Variants in PLTP observed in about 807,000 individuals in gnomAD.
PLTP encodes phospholipid transfer protein, also known as BPI fold containing family E.
In PLTP, 43 loss-of-function variants were observed where a neutral mutation model predicts 54.1. That is an observed-to-expected ratio of 0.79 (90% confidence interval 0.62 to 1.02). The LOEUF (loss-of-function observed/expected upper bound fraction) is 1.02. Ranked by LOEUF, PLTP falls within the 50% of genes least tolerant of loss-of-function variation. The probability of loss-of-function intolerance (pLI) is 0.00; values close to 1 mark genes in which losing one functional copy is unlikely to be tolerated. For missense variants in PLTP, 604 were observed against 645.9 expected (o/e 0.94, Z 0.70); for synonymous variants, 263 against 264.6 (o/e 0.99, Z 0.06).
At chr20:45,902,639 T>C (rs760881305) in intron 10 of PLTP, 35 bp from the exon 11 acceptor site, 4 of 1,552,892 alleles carry the variant, frequency 2.6e-6, no homozygotes, top group Non-Finnish European at 3.5e-6. Context: ...GTCAAGTCCC[T>C]GCCATTTCCT....
chr20:45,906,716 C>A (rs2083242098), intron 7 of PLTP, among the ~76,000 whole-genome samples: 1 of 150,746 alleles, frequency 6.6e-6, no homozygotes, highest in Non-Finnish European at 1.5e-5. Context: ...CACGGTGAAA[C>A]CCCGTCTCTA....
chr20:45,902,152 A>G, intron 12 of PLTP, 115 bp downstream of exon 12: 1 of 1,129,174 alleles, frequency 8.9e-7, no homozygotes, highest in Non-Finnish European at 1.3e-6. Flanking sequence ...ATTAACAAAG[A>G]CAGACCCCAG....
intron 10 of PLTP, among the ~76,000 whole-genome samples, chr20:45,904,406 T>G (rs1372531731): frequency 1.3e-5 from 2 of 152,140 alleles, no homozygotes; most frequent in East Asian, 3.8e-4. Context: ...GAGGTTGCAG[T>G]GAGCCTAGAT....
chr20:45,904,692 A>G (rs978098184), intron 10 of PLTP, 108 bp downstream of exon 10: 17 of 1,003,864 alleles, frequency 1.7e-5, no homozygotes, highest in Non-Finnish European at 2.7e-5. Flanking sequence ...GCCACAGACA[A>G]GAGGCCAGGG....
intron 1 of PLTP, 75 bp from the exon 2 acceptor site, chr20:45,911,538 G>A: frequency 6.3e-7 from 1 of 1,582,856 alleles, no homozygotes; most frequent in Non-Finnish European, 8.5e-7. Context: ...CCATAAGTGG[G>A]AACTAGCCTG....
At chr20:45,905,911 G>A (rs1365028197) in intron 8 of PLTP, among the ~76,000 whole-genome samples, 2 of 152,204 alleles carry the variant, frequency 1.3e-5, no homozygotes, top group Non-Finnish European at 2.9e-5. Flanking sequence ...AGGGTTGTGA[G>A]AGAATGAAAT....
rs558426126 is a variant in PLTP at position 45,904,463 on chromosome 20, CA to C, written c.942+336del. Among the ~76,000 whole-genome samples, 308 of 149,508 alleles carry C rather than the reference CA, an allele frequency of 2.1e-3. 1 individual carries two copies. Among genetic ancestry groups the C allele is most frequent in the African/African-American group, 5.8e-3 (236 of 40,586 alleles). On this transcript the variant is annotated intron_variant, in intron 10 of 15. Coordinates refer to ENST00000372431, the MANE Select transcript of PLTP (RefSeq NM_006227.4). Reference sequence around the variant, plus strand: ...GGGTGACAAAGTGAGACTCTTGTCTCAAAAAAAAAAATAAATAAAATGTGTA... The same window carrying C: ...GGGTGACAAAGTGAGACTCTTGTCTCAAAAAAAAAATAAATAAAATGTGTA...
intron 7 of PLTP, 34 bp downstream of exon 7, chr20:45,907,658 G>A (rs748296786): frequency 1.3e-6 from 2 of 1,598,956 alleles, no homozygotes; most frequent in Non-Finnish European, 1.7e-6. Context: ...CTGCATGACA[G>A]CTGCACACCC....
chr20:45,905,757 T>C (rs1468467971), intron 8 of PLTP, among the ~76,000 whole-genome samples: 1 of 152,178 alleles, frequency 6.6e-6, no homozygotes, highest in East Asian at 1.9e-4. Context: ...AGCTCCCGAG[T>C]CTGCACTCTG....
rs776837153 is a variant in PLTP, at chr20:45,906,348, C to T, written c.625G>A (p.Val209Met). ...TAGTCAATGCCAACAAGCTCGTCCA[C>T]AGAACTGCGCACTGCAGGAAGGGGC... ...LLDTVPVRSSVDELVGIDYSL... is the reference protein window; with the variant it reads ...LLDTVPVRSSMDELVGIDYSL... The change falls in exon 8 of 16, where the codon GTG becomes ATG. Residue 209 changes from valine (V) to methionine (M), a missense_variant. Val to Met is a conservative substitution (Grantham distance 21). Coordinates refer to ENST00000372431, the MANE Select transcript of PLTP (RefSeq NM_006227.4). 1 of 1,613,512 alleles carries T rather than the reference C, an allele frequency of 6.2e-7. No homozygotes were observed. Among genetic ancestry groups the T allele is most frequent in the Non-Finnish European group, 8.5e-7 (1 of 1,179,672 alleles).
Position 45,899,885 on chromosome 20 carries a change from G to A in PLTP, c.1176-7C>T. The A allele has an allele frequency of 6.5e-7, 1 of 1,542,870 alleles. No homozygotes were observed. The highest frequency in any genetic ancestry group is 8.8e-7 in the Non-Finnish European group (1 of 1,142,154). ...GTTGGAATAGATTCGGAACCTGCGG[G>A]AAAGAAAGGAGCCCTGTGGGCAGGA... On this transcript the variant is annotated splice_region_variant and splice_polypyrimidine_tract_variant and intron_variant, in intron 12 of 15. Coordinates refer to ENST00000372431, the MANE Select transcript of PLTP (RefSeq NM_006227.4).
In PLTP at chr20:45,902,448, T is replaced by C; in HGVS notation, c.1099A>G (p.Met367Val). The change falls in exon 11 of 16, where the codon ATG becomes GTG. Residue 367 changes from methionine to valine, a missense_variant. By Grantham distance (21) the Met-to-Val change is conservative. Transcript: ENST00000372431. ...PDQPEVQLSS[M>V]TMDARLSAKM... The stretch of plus-strand genomic sequence containing the variant: ...CACTCTGGGACCCGTACCATAGTCA[T>C]GCTGGACAGCTGGACCTCAGGCTGG... The C allele has an allele frequency of 1.2e-6, 2 of 1,614,242 alleles. No individual in the cohort carries two copies. Among genetic ancestry groups the C allele is most frequent in the Non-Finnish European group, 1.7e-6 (2 of 1,180,030 alleles).
chr20:45,899,364 C>T (rs1365764779), intron 15 of PLTP, 98 bp downstream of exon 15: 2 of 1,287,186 alleles, frequency 1.6e-6, no homozygotes, highest in Non-Finnish European at 1.1e-6. Context: ...GGAGGGGCGA[C>T]TGGTAATGGG....
chr20:45,908,892 C>T (rs559498154), intron 5 of PLTP, among the ~76,000 whole-genome samples: 1 of 152,114 alleles, frequency 6.6e-6, no homozygotes, highest in East Asian at 1.9e-4. Flanking sequence ...TCAGATAGTC[C>T]TCACAGTTAC....
At chr20:45,910,217 A>G in intron 3 of PLTP, 147 bp from the exon 4 acceptor site, 2 of 874,168 alleles carry the variant, frequency 2.3e-6, no homozygotes, top group South Asian at 1.4e-5. Context: ...CAAGTGCCCA[A>G]CTTAGACTTG....
chr20:45,911,521 C>G, intron 1 of PLTP, 58 bp from the exon 2 acceptor site: 1 of 1,595,206 alleles, frequency 6.3e-7, no homozygotes, highest in South Asian at 1.1e-5. Flanking sequence ...ATTCCTTGGA[C>G]GTCCAACCAT....
intron 5 of PLTP, 39 bp downstream of exon 5, chr20:45,909,477 G>C (rs781018123): frequency 4.5e-5 from 73 of 1,611,314 alleles, no homozygotes; most frequent in South Asian, 3.5e-4. Flanking sequence ...GAGCTGTGGG[G>C]CTCGAAAAGG....
chr20:45,903,565 A>G (rs753949082), intron 10 of PLTP, among the ~76,000 whole-genome samples: 4 of 152,160 alleles, frequency 2.6e-5, no homozygotes, highest in East Asian at 1.9e-4. Context: ...GCCTTCTTCT[A>G]TAGGCAGTGA....
At chr20:45,904,717 C>G (rs1463316743) in intron 10 of PLTP, 83 bp downstream of exon 10, 7 of 1,301,392 alleles carry the variant, frequency 5.4e-6, no homozygotes, top group Admixed American at 1.7e-5. Context: ...GTCTGCGTGG[C>G]TGCCACTGGG....
Sources: gnomAD v4.1 joint callset for allele counts (sites outside exome capture counted in the v4.1 genomes callset) on GRCh38, gnomAD v4.1.1 for gene constraint, MANE v1.5 for transcripts, NCBI Gene and HGNC (gene_info 2026-07-23, HGNC 2026-07-21) for gene names.